Variants in RTN4 observed in about 807,000 individuals in gnomAD.
RTN4 encodes the protein reticulon-4.
In RTN4, 32 loss-of-function variants were observed where a neutral mutation model predicts 90.4. The observed-to-expected ratio is 0.35, with a 90% CI of 0.27 to 0.48. RTN4 has a LOEUF of 0.48. RTN4 is among the 20% of genes least tolerant of loss of function. The pLI, the probability that RTN4 is intolerant of heterozygous loss-of-function variation, is 0.99. For missense variants in RTN4, 1,706 were observed against 1,430.2 expected (o/e 1.19, Z -3.11); for synonymous variants, 629 against 552.5 (o/e 1.14, Z -1.94).
At chr2:54,979,233 T>C (rs1045274425) in intron 5 of RTN4, among the ~76,000 whole-genome samples, 1 of 152,004 alleles carries the variant, frequency 6.6e-6, no homozygotes, top group African/African-American at 2.4e-5. Context: ...TTCAGTTTTT[T>C]TTTTTTTATA....
intron 3 of RTN4, among the ~76,000 whole-genome samples, chr2:55,002,039 T>A (rs940930710): frequency 6.6e-6 from 1 of 151,266 alleles, no homozygotes; most frequent in Non-Finnish European, 1.5e-5. Context: ...ATAAAGTCAA[T>A]CAAATCTTAT....
intron 2 of RTN4, among the ~76,000 whole-genome samples, chr2:55,057,393 T>A (rs779714464): frequency 6.6e-6 from 1 of 152,194 alleles, no homozygotes; most frequent in African/African-American, 2.4e-5. Context: ...ATGGGAACCA[T>A]AGGACACAGG....
chr2:55,098,287 T>G (rs1483160581), intron 1 of RTN4, among the ~76,000 whole-genome samples: 2 of 152,180 alleles, frequency 1.3e-5, no homozygotes, highest in African/African-American at 4.8e-5. Context: ...ATAATCCTAG[T>G]GTCTAAAGTA....
At chr2:55,114,681 A>G (rs1180599761), upstream of RTN4, among the ~76,000 whole-genome samples, 1 of 152,178 alleles carries the variant, frequency 6.6e-6, no homozygotes, top group Non-Finnish European at 1.5e-5. Flanking sequence ...GCTGGGTGAT[A>G]CAGTGAGACT....
At position 54,973,929 on chromosome 2, in the gene RTN4, CAAAA is replaced by C. The variant is rs112157194; in HGVS notation, c.3431-66_3431-63del. The C allele has an allele frequency of 5.7e-5, 80 of 1,411,080 alleles. No individual in the cohort carries two copies. In the African/African-American group the frequency reaches 1.0e-3, roughly 18 times the overall value. 87.4% of individuals were successfully genotyped at this position (1,411,080 alleles called of 1,614,324 possible). On this transcript the variant is annotated intron_variant, in intron 6 of 8. Transcript: ENST00000337526. Reference sequence around the variant, plus strand: ...GAATGATTTGGGAGGAATAAACACTCAAAAAACTATTAAACTGGCAACTCAAGAT... The same window carrying C: ...GAATGATTTGGGAGGAATAAACACTCAACTATTAAACTGGCAACTCAAGAT...
intron 1 of RTN4, among the ~76,000 whole-genome samples, chr2:55,092,570 A>G (rs1573512381): frequency 6.6e-6 from 1 of 152,090 alleles, no homozygotes; most frequent in East Asian, 1.9e-4. Context: ...CTCCTAGAAC[A>G]CTACCTGGCA....
intron 1 of RTN4, among the ~76,000 whole-genome samples, chr2:55,030,234 G>A (rs986180535): frequency 6.6e-6 from 1 of 151,780 alleles, no homozygotes; most frequent in African/African-American, 2.4e-5. Context: ...CCTACCTAGT[G>A]CAATAATCTT....
intron 3 of RTN4, among the ~76,000 whole-genome samples, chr2:55,021,452 T>G (rs1205990331): frequency 1.3e-5 from 2 of 151,572 alleles, no homozygotes; most frequent in Non-Finnish European, 2.9e-5. Flanking sequence ...AAGCAACTCT[T>G]ACCTGCTTTT....
intron 3 of RTN4, among the ~76,000 whole-genome samples, chr2:55,009,641 A>G (rs1029526924): frequency 1.3e-5 from 2 of 152,236 alleles, no homozygotes; most frequent in Admixed American, 1.3e-4. Context: ...ATTTTCAAAG[A>G]AGAGGCTTAC....
intron 1 of RTN4, among the ~76,000 whole-genome samples, chr2:55,097,148 C>A (rs1186446406): frequency 6.6e-6 from 1 of 151,542 alleles, no homozygotes; most frequent in Non-Finnish European, 1.5e-5. Context: ...AAGGCATGGC[C>A]ACTAAGCAAT....
the RTN4 span, among the ~76,000 whole-genome samples, chr2:55,119,677 G>A: frequency 6.6e-6 from 1 of 152,164 alleles, no homozygotes; most frequent in Admixed American, 6.5e-5. Context: ...GGGCAAAAAA[G>A]CAAAAGATCA....
In RTN4 at chr2:55,050,169, GTCCTCCTCTTCC is replaced by G. The variant is rs1558856236; in HGVS notation, c.120_131del (p.Glu40_Glu43del). On this transcript the variant is annotated inframe_deletion, in exon 1 of 9. Transcript: ENST00000337526. The surrounding 1 kb of genome is among the most constrained non-coding windows in gnomAD (Gnocchi z 4.6). Reference sequence around the variant, plus strand: ...CCAGCTCCTCCAGGTCTTCGTCCTCGTCCTCCTCTTCCTCCTCCTCTTCTTCCTCCTCGTCCT... The same window carrying G: ...CCAGCTCCTCCAGGTCTTCGTCCTCGTCCTCCTCTTCTTCCTCCTCGTCCT... The G allele has an allele frequency of 5.1e-6, 8 of 1,566,054 alleles. No individual in the cohort carries two copies. Among genetic ancestry groups the G allele is most frequent in the East Asian group, 2.5e-5 (1 of 40,108 alleles).
intron 2 of RTN4, among the ~76,000 whole-genome samples, chr2:55,069,535 G>T (rs1469753530): frequency 9.2e-5 from 14 of 152,208 alleles, no homozygotes; most frequent in Non-Finnish European, 1.5e-5. Context: ...ACTTGTAGGT[G>T]AGTATGGAGT....
chr2:55,045,163 C>T (rs1335939659), intron 1 of RTN4, among the ~76,000 whole-genome samples: 1 of 152,134 alleles, frequency 6.6e-6, no homozygotes, highest in East Asian at 1.9e-4. Flanking sequence ...AGCCCCAACC[C>T]ATAATCTGTA....
chr2:55,045,498 T>C (rs1683360413), intron 1 of RTN4, among the ~76,000 whole-genome samples: 1 of 152,228 alleles, frequency 6.6e-6, no homozygotes, highest in African/African-American at 2.4e-5. Context: ...ATTCATCTGC[T>C]TTTCCTTCCC....
intron 1 of RTN4, among the ~76,000 whole-genome samples, chr2:55,034,325 A>AC (rs1204275065): frequency 1.3e-5 from 2 of 151,996 alleles, no homozygotes; most frequent in African/African-American, 4.8e-5. Context: ...ACAAAGTGAG[A>AC]CCCCAACTCT....
At chr2:55,103,295 T>C (rs527509149) in intron 1 of RTN4, among the ~76,000 whole-genome samples, 23 of 151,862 alleles carry the variant, frequency 1.5e-4, no homozygotes, top group Admixed American at 6.6e-4. Flanking sequence ...GAGAGTAGAA[T>C]TGTGGTTACC....
At chr2:55,013,426 T>C (rs1226121216) in intron 3 of RTN4, among the ~76,000 whole-genome samples, 6 of 152,154 alleles carry the variant, frequency 3.9e-5, no homozygotes, top group Non-Finnish European at 8.8e-5. Flanking sequence ...GGATAAGCTC[T>C]AAAGGGTAAT....
At chr2:55,087,671 G>T (rs1478137812) in intron 1 of RTN4, among the ~76,000 whole-genome samples, 1 of 151,572 alleles carries the variant, frequency 6.6e-6, no homozygotes, top group Non-Finnish European at 1.5e-5. Flanking sequence ...ATGTGTCTTT[G>T]TACCCATCTG....
Sources: allele counts gnomAD v4.1 joint callset (sites outside exome capture counted in the v4.1 genomes callset), GRCh38; gene constraint gnomAD v4.1.1; non-coding constraint Gnocchi (gnomAD v3.1); transcripts MANE v1.5; gene names NCBI Gene and HGNC (gene_info 2026-07-23, HGNC 2026-07-21).